The following TUSC3 variants were observed in gnomAD, a reference collection of about 807,000 sequenced individuals.
The protein encoded by TUSC3 is dolichyl-diphosphooligosaccharide--protein glycosyltransferase subunit TUSC3.
A neutral mutation model predicts 44.8 loss-of-function variants in TUSC3; 45 were observed. The ratio of observed to expected loss-of-function variants is 1.00; its 90% confidence interval spans 0.79 to 1.29. TUSC3 has a LOEUF of 1.29. Ranked by LOEUF, TUSC3 falls within the 50% of genes most tolerant of loss-of-function variation. TUSC3 has a pLI of 0.00. For synonymous variants in TUSC3, 212 were observed against 152.9 expected, an observed-to-expected ratio of 1.39 and a Z score of -2.85; for missense variants, 519 against 437.9, an observed-to-expected ratio of 1.19 and a Z score of -1.65.
chr8:15,611,533 C>G (rs1247983283), intron 1 of TUSC3, among the ~76,000 whole-genome samples: 1 of 152,140 alleles, frequency 6.6e-6, no homozygotes, highest in Middle Eastern at 3.2e-3. Context: ...TGATGGATTG[C>G]TGATTACATT....
the TUSC3 span, among the ~76,000 whole-genome samples, chr8:15,833,154 A>G: frequency 1.3e-5 from 2 of 152,152 alleles, no homozygotes; most frequent in African/African-American, 4.8e-5. Flanking sequence ...CAAAACCACA[A>G]TGAGATACTA....
At chr8:15,426,624 C>A (rs28871156) in intron 1 of TUSC3, among the ~76,000 whole-genome samples, 1 of 152,000 alleles carries the variant, frequency 6.6e-6, no homozygotes, top group Non-Finnish European at 1.5e-5. Context: ...TATGTTATTT[C>A]CCCATTCTTC....
chr8:15,734,161 A>G (rs1460845819), intron 7 of TUSC3, among the ~76,000 whole-genome samples: 1 of 152,180 alleles, frequency 6.6e-6, no homozygotes, highest in East Asian at 1.9e-4. Flanking sequence ...CTTCTGGCAA[A>G]AAATTACAAA....
At chr8:15,463,335 ATAAAT>A (rs1800372344) in intron 1 of TUSC3, among the ~76,000 whole-genome samples, 1 of 152,168 alleles carries the variant, frequency 6.6e-6, no homozygotes, top group South Asian at 2.1e-4. Flanking sequence ...GAATCACATC[ATAAAT>A]TAAAATCAGA....
intron 2 of TUSC3, among the ~76,000 whole-genome samples, chr8:15,642,616 C>A (rs907030788): frequency 6.6e-6 from 1 of 152,112 alleles, no homozygotes; most frequent in African/African-American, 2.4e-5. Context: ...GAAGAATAGA[C>A]TTACTGGGAA....
chr8:15,602,672 G>A (rs932506666), intron 1 of TUSC3, among the ~76,000 whole-genome samples: 5 of 129,670 alleles, frequency 3.9e-5, no homozygotes, highest in Non-Finnish European at 6.1e-5. Context: ...TTATATGTGT[G>A]TGTGTGTGTG....
At chr8:15,779,183 C>A in the TUSC3 span, among the ~76,000 whole-genome samples, 1 of 148,554 alleles carries the variant, frequency 6.7e-6, no homozygotes, top group East Asian at 2.0e-4. Context: ...GAAATACTGT[C>A]GCCAGTAGTA....
intron 1 of TUSC3, among the ~76,000 whole-genome samples, chr8:15,573,190 CTCTCTCTCTCTCTATA>C (rs1248345454): frequency 5.4e-5 from 5 of 92,496 alleles, no homozygotes; most frequent in African/African-American, 2.2e-4. Context: ...CTCTCTCTCT[CTCTCTCTCTCTCTATA>C]TATATATATA....
downstream of TUSC3, among the ~76,000 whole-genome samples, chr8:15,767,810 G>A (rs1428903862): frequency 6.6e-6 from 1 of 152,162 alleles, no homozygotes. Flanking sequence ...AGTAAATGAA[G>A]AAGCCACTGC....
intron 2 of TUSC3, among the ~76,000 whole-genome samples, chr8:15,637,011 A>T (rs1380562375): frequency 6.6e-6 from 1 of 152,106 alleles, no homozygotes; most frequent in African/African-American, 2.4e-5. Flanking sequence ...TTTTTCACTG[A>T]AGTCTGATAA....
At chr8:15,776,789 C>T in the TUSC3 span, among the ~76,000 whole-genome samples, 1 of 152,060 alleles carries the variant, frequency 6.6e-6, no homozygotes, top group African/African-American at 2.4e-5. Context: ...CAGATACTGT[C>T]ATTTTCATTG....
intron 1 of TUSC3, among the ~76,000 whole-genome samples, chr8:15,581,519 T>G (rs1803333948): frequency 6.8e-6 from 1 of 147,816 alleles, no homozygotes; most frequent in Non-Finnish European, 1.5e-5. Flanking sequence ...TTTCTGTTTG[T>G]TAGTTTTCCT....
At chr8:15,453,204 C>T (rs989232442) in intron 1 of TUSC3, among the ~76,000 whole-genome samples, 3 of 152,170 alleles carry the variant, frequency 2.0e-5, no homozygotes, top group Admixed American at 6.5e-5. Context: ...TGAAGAATGT[C>T]TGTCCATATG....
At chr8:15,808,701 T>C in the TUSC3 span, among the ~76,000 whole-genome samples, 7 of 152,144 alleles carry the variant, frequency 4.6e-5, no homozygotes, top group Non-Finnish European at 7.4e-5. Context: ...GCCCAGTGGC[T>C]TCTCCATTTT....
At chr8:15,602,797 AT>A (rs1346508199) in intron 1 of TUSC3, among the ~76,000 whole-genome samples, 3 of 151,386 alleles carry the variant, frequency 2.0e-5, no homozygotes, top group Non-Finnish European at 4.4e-5. Flanking sequence ...AGCGATTTTT[AT>A]TATCACATGT....
chr8:15,702,984 CAAAA>C (rs1237032574), intron 6 of TUSC3, among the ~76,000 whole-genome samples: 1 of 152,028 alleles, frequency 6.6e-6, no homozygotes, highest in Non-Finnish European at 1.5e-5. Context: ...ATTAAACAAA[CAAAA>C]AACACCACAC....
At chr8:15,417,695 G>T (rs1283742898) in intron 1 of TUSC3, among the ~76,000 whole-genome samples, 1 of 152,168 alleles carries the variant, frequency 6.6e-6, no homozygotes, top group Non-Finnish European at 1.5e-5. Context: ...CTCATCACTG[G>T]CAGGCTGTGC....
chr8:15,701,270 C>T, intron 6 of TUSC3, among the ~76,000 whole-genome samples: 1 of 152,060 alleles, frequency 6.6e-6, no homozygotes, highest in East Asian at 1.9e-4. Context: ...TCTGCCATTC[C>T]TCATAGGAAG....
In TUSC3 at chr8:15,579,077, C is replaced by T. The variant is rs570372670; in HGVS notation, c.138+38509C>T. ...TATGTGTTGAGGAATTTATCCATTTCTTCTAGATTTTCTAGTTTATTTGCG... is the reference window on the plus strand; with the variant it reads ...TATGTGTTGAGGAATTTATCCATTTTTTCTAGATTTTCTAGTTTATTTGCG... On this transcript the variant is annotated intron_variant, in intron 1 of 10. Transcript: ENST00000503731. Among the ~76,000 whole-genome samples the T allele has an allele frequency of 6.6e-5, 10 of 152,138 alleles. No homozygotes were observed. In the East Asian group the frequency reaches 1.7e-3, roughly 27 times the overall value.
Sources: gnomAD v4.1 joint callset for allele counts (sites outside exome capture counted in the v4.1 genomes callset) on GRCh38, gnomAD v4.1.1 for gene constraint, MANE v1.5 for transcripts, NCBI Gene and HGNC (gene_info 2026-07-23, HGNC 2026-07-21) for gene names.